The following CACNA2D2 variants were observed in gnomAD, a reference collection of about 807,000 sequenced individuals.
CACNA2D2 encodes the protein voltage-dependent calcium channel subunit alpha-2/delta-2.
Under a neutral mutation model 166.4 loss-of-function variants are expected in CACNA2D2, and 48 were observed. The ratio of observed to expected loss-of-function variants is 0.29; its 90% CI spans 0.23 to 0.37. CACNA2D2 has a LOEUF of 0.37. Among genes scored for constraint, CACNA2D2 ranks in the 10% least tolerant of loss-of-function variants. The probability of loss-of-function intolerance (pLI) is 1.00; values close to 1 mark genes in which losing one functional copy is unlikely to be tolerated. For missense variants in CACNA2D2, 1,122 were observed against 1,433.0 expected (o/e 0.78, Z 3.50); for synonymous variants, 561 against 573.7 (o/e 0.98, Z 0.32).
chr3:50,435,736 T>C (rs1173654473), intron 2 of CACNA2D2, among the ~76,000 whole-genome samples: 1 of 152,110 alleles, frequency 6.6e-6, no homozygotes, highest in Non-Finnish European at 1.5e-5. Flanking sequence ...CAAAGCCAGC[T>C]CAGGCAATCT....
At chr3:50,398,044 T>C (rs1028363223) in intron 3 of CACNA2D2, among the ~76,000 whole-genome samples, 1 of 149,156 alleles carries the variant, frequency 6.7e-6, no homozygotes, top group African/African-American at 2.4e-5. Context: ...CTTCTACCTC[T>C]CCCTGGTCCT....
At chr3:50,405,087 C>T in intron 3 of CACNA2D2, among the ~76,000 whole-genome samples, 1 of 152,140 alleles carries the variant, frequency 6.6e-6, no homozygotes, top group East Asian at 1.9e-4. Flanking sequence ...GCTCTATTAA[C>T]ATTAGGAATC....
At chr3:50,418,716 T>G (rs1292008346) in intron 3 of CACNA2D2, among the ~76,000 whole-genome samples, 1 of 152,184 alleles carries the variant, frequency 6.6e-6, no homozygotes, top group Non-Finnish European at 1.5e-5. Flanking sequence ...CCCAGCTGTG[T>G]CCACTGGCTG....
At chr3:50,474,364 T>A (rs1318503837) in intron 2 of CACNA2D2, among the ~76,000 whole-genome samples, 1 of 152,174 alleles carries the variant, frequency 6.6e-6, no homozygotes, top group Non-Finnish European at 1.5e-5. Flanking sequence ...CACCACTTCA[T>A]CCTCCGGTCA....
intron 2 of CACNA2D2, among the ~76,000 whole-genome samples, chr3:50,435,847 G>A (rs1290895921): frequency 6.6e-6 from 1 of 152,220 alleles, no homozygotes; most frequent in Admixed American, 6.5e-5. Context: ...TTCCCGCAGA[G>A]TAGTGGCAAT....
intron 4 of CACNA2D2, among the ~76,000 whole-genome samples, chr3:50,389,827 G>A (rs919458451): frequency 1.3e-5 from 2 of 152,364 alleles, no homozygotes; most frequent in South Asian, 4.1e-4. Flanking sequence ...CTTGATGCAT[G>A]TGGGAATGAC....
In CACNA2D2 at chr3:50,468,380, A is replaced by AGTGTGTGTGTGTGTGTGT. The variant is rs3220659; in HGVS notation, c.288+7720_288+7737dup. 7.8e-4 allele frequency among the ~76,000 whole-genome samples: 65 copies of AGTGTGTGTGTGTGTGTGT among 83,172 alleles called. 2 individuals are homozygous for AGTGTGTGTGTGTGTGTGT. Among genetic ancestry groups the AGTGTGTGTGTGTGTGTGT allele is most frequent in the East Asian group, 2.1e-3 (4 of 1,944 alleles). 54.6% of individuals were successfully genotyped at this position (83,172 alleles called of 152,430 possible). ...AGAGAACCAGCAAGTTCATCAGAAT[A>AGTGTGTGTGTGTGTGTGT]GTGTGTGTGTGTGTGTGTGTGTGTG... On this transcript the variant is annotated intron_variant, in intron 2 of 37. Coordinates refer to ENST00000424201, the MANE Select transcript of CACNA2D2 (RefSeq NM_006030.4).
chr3:50,378,841 G>T, intron 13 of CACNA2D2, 74 bp downstream of exon 13: 1 of 1,551,288 alleles, frequency 6.4e-7, no homozygotes, highest in Non-Finnish European at 8.9e-7. Flanking sequence ...ACATATGGAT[G>T]GCCAGTTGAA....
intron 4 of CACNA2D2, 69 bp downstream of exon 4, chr3:50,394,040 C>A (rs1023213953): frequency 2.1e-6 from 3 of 1,423,136 alleles, no homozygotes; most frequent in Non-Finnish European, 9.9e-7. Context: ...CAGCTCCCAC[C>A]CCCCAGCATT....
At chr3:50,370,028 A>G (rs916873362) in intron 23 of CACNA2D2, among the ~76,000 whole-genome samples, 1 of 152,220 alleles carries the variant, frequency 6.6e-6, no homozygotes, top group Non-Finnish European at 1.5e-5. Flanking sequence ...CCCAGGGCGG[A>G]AAGGGCTCCT....
At chr3:50,494,965 T>C (rs1300166833) in intron 1 of CACNA2D2, among the ~76,000 whole-genome samples, 1 of 152,214 alleles carries the variant, frequency 6.6e-6, no homozygotes, top group Non-Finnish European at 1.5e-5. Context: ...CGTCAGCCAC[T>C]GCACCCGGCT....
At chr3:50,406,629 T>C (rs1020774664) in intron 3 of CACNA2D2, among the ~76,000 whole-genome samples, 8 of 151,746 alleles carry the variant, frequency 5.3e-5, no homozygotes, top group African/African-American at 1.9e-4. Context: ...TCATCAGTGT[T>C]ACTCCCATCA....
chr3:50,412,462 C>T (rs1707061859), intron 3 of CACNA2D2, among the ~76,000 whole-genome samples: 5 of 152,258 alleles, frequency 3.3e-5, no homozygotes, highest in Non-Finnish European at 4.4e-5. Context: ...TTCACCAGAT[C>T]GAAATCCCCT....
At chr3:50,499,787 T>C (rs1698879541) in intron 1 of CACNA2D2, among the ~76,000 whole-genome samples, 1 of 152,228 alleles carries the variant, frequency 6.6e-6, no homozygotes, top group Non-Finnish European at 1.5e-5. Context: ...AGGGGACTCA[T>C]CCTAAAATGA....
At chr3:50,384,426 G>C (rs1408562598) in intron 5 of CACNA2D2, 89 bp from the exon 6 acceptor site, 2 of 1,436,168 alleles carry the variant, frequency 1.4e-6, no homozygotes, top group Non-Finnish European at 1.9e-6. Flanking sequence ...GGGAGGGCCA[G>C]AGTCCAGGAG....
At chr3:50,411,737 G>A (rs750266276) in intron 3 of CACNA2D2, among the ~76,000 whole-genome samples, 5 of 152,204 alleles carry the variant, frequency 3.3e-5, no homozygotes, top group Admixed American at 1.3e-4. Context: ...TTCAGCTGCT[G>A]AGCCCAGGCC....
intron 1 of CACNA2D2, among the ~76,000 whole-genome samples, chr3:50,486,786 T>C (rs1438446303): frequency 6.6e-6 from 1 of 152,164 alleles, no homozygotes; most frequent in Non-Finnish European, 1.5e-5. Context: ...CTACAGAGCT[T>C]AGCCTGGAGC....
rs1343864972 is a variant in CACNA2D2, at chr3:50,379,481, G to A, written c.1103C>T (p.Thr368Ile). Residue 368 changes from threonine (T) to isoleucine (I), a missense_variant, in exon 11 of 38, where the codon ACC (threonine) becomes ATC (isoleucine). This residue lies in a region of CACNA2D2 where 840 missense variants were observed against 1,166.8 expected (regional missense o/e 0.72). Transcript: ENST00000424201. This position sits in a 1 kb window ranked among gnomAD's most constrained non-coding sequence, Gnocchi z 6.5. Reference protein sequence around the residue: ...EAVQGMVAKGTTGYKAGFEYA... With the variant: ...EAVQGMVAKGITGYKAGFEYA... ...CTCAAAGCCGGCCTTGTAGCCTGTG[G>A]TGCCCTTGGCCACCATGCCCTGCAC... 1.2e-6 allele frequency: 2 copies of A among 1,613,954 alleles called. No individual in the cohort carries two copies. Among genetic ancestry groups the A allele is most frequent in the Non-Finnish European group, 1.7e-6 (2 of 1,180,020 alleles).
chr3:50,432,142 A>G (rs2106882987), intron 3 of CACNA2D2, among the ~76,000 whole-genome samples: 1 of 152,170 alleles, frequency 6.6e-6, no homozygotes, highest in East Asian at 1.9e-4. Flanking sequence ...GAGGGTTGGG[A>G]CCAGGACCTC....
Sources: gnomAD v4.1 joint callset for allele counts (sites outside exome capture counted in the v4.1 genomes callset) on GRCh38, gnomAD v4.1.1 for gene constraint, gnomAD v4.1.1 regional missense constraint, Gnocchi (gnomAD v3.1) non-coding constraint, MANE v1.5 for transcripts, NCBI Gene and HGNC (gene_info 2026-07-23, HGNC 2026-07-21) for gene names.